COL23A1: variants seen among roughly 807,000 people sequenced by gnomAD.
COL23A1 encodes collagen alpha-1(XXIII) chain.
COL23A1 carries 97 observed loss-of-function variants against 99.3 expected under a neutral mutation model. The ratio of observed to expected loss-of-function variants is 0.98; its 90% CI spans 0.83 to 1.16. The LOEUF is 1.16. Ranked by LOEUF, COL23A1 falls within the 50% of genes most tolerant of loss-of-function variation. The pLI is 0.00. For missense variants in COL23A1, 762 were observed against 757.4 expected (o/e 1.01, Z -0.07); for synonymous variants, 320 against 308.2 (o/e 1.04, Z -0.40).
intron 2 of COL23A1, among the ~76,000 whole-genome samples, chr5:178,338,876 C>A (rs1760500457): frequency 6.6e-6 from 1 of 152,190 alleles, no homozygotes; most frequent in Non-Finnish European, 1.5e-5. Context: ...TACATGTAAA[C>A]CCGATGAGAC....
At chr5:178,368,532 C>G (rs888995133) in intron 2 of COL23A1, among the ~76,000 whole-genome samples, 3 of 152,206 alleles carry the variant, frequency 2.0e-5, no homozygotes, top group Non-Finnish European at 4.4e-5. Context: ...GACACGTAGC[C>G]ACCGCTATAG....
At chr5:178,423,886 C>T (rs967468913) in intron 2 of COL23A1, among the ~76,000 whole-genome samples, 4 of 152,158 alleles carry the variant, frequency 2.6e-5, no homozygotes, top group African/African-American at 7.2e-5. Context: ...GATGTCTGCG[C>T]GTCTGCAAAC....
intron 1 of COL23A1, among the ~76,000 whole-genome samples, chr5:178,568,705 G>C (rs2113634975): frequency 6.6e-6 from 1 of 152,310 alleles, no homozygotes; most frequent in East Asian, 1.9e-4. Flanking sequence ...CTTGCCCTTT[G>C]TCTGGTTCCT....
At chr5:178,508,868 C>T (rs1759032525) in intron 2 of COL23A1, among the ~76,000 whole-genome samples, 1 of 152,190 alleles carries the variant, frequency 6.6e-6, no homozygotes, top group African/African-American at 2.4e-5. Context: ...GCCTTCTTCT[C>T]CCCATCATAA....
chr5:178,397,053 G>A (rs1225762739), intron 2 of COL23A1, among the ~76,000 whole-genome samples: 5 of 152,230 alleles, frequency 3.3e-5, no homozygotes, highest in African/African-American at 7.2e-5. Flanking sequence ...AGGACTCGCA[G>A]AGGCTTTCTG....
chr5:178,322,775 G>C (rs923527761), intron 2 of COL23A1, among the ~76,000 whole-genome samples: 4 of 152,244 alleles, frequency 2.6e-5, no homozygotes, highest in African/African-American at 7.2e-5. Context: ...GCAGGCACTA[G>C]GGACCGGGAG....
chr5:178,323,480 C>A (rs114847500), intron 2 of COL23A1, among the ~76,000 whole-genome samples: 84 of 152,260 alleles, frequency 5.5e-4, no homozygotes, highest in African/African-American at 1.9e-3. Flanking sequence ...CAGTCCCTTT[C>A]ATTTCCTCCC....
chr5:178,478,124 C>T (rs759425488), intron 2 of COL23A1, among the ~76,000 whole-genome samples: 2 of 152,156 alleles, frequency 1.3e-5, no homozygotes, highest in Admixed American at 6.5e-5. Context: ...CCAGACAGTG[C>T]CTGCGGGCCC....
intron 2 of COL23A1, among the ~76,000 whole-genome samples, chr5:178,501,039 T>G (rs1006092045): frequency 6.6e-6 from 1 of 152,144 alleles, no homozygotes; most frequent in Non-Finnish European, 1.5e-5. Context: ...TCTAGGTAGA[T>G]GGAGTAGATA....
chr5:178,375,535 C>A (rs558675108), intron 2 of COL23A1, among the ~76,000 whole-genome samples: 1 of 152,370 alleles, frequency 6.6e-6, no homozygotes, highest in South Asian at 2.1e-4. Context: ...GCCCAAAAGG[C>A]CCTGCGTGGT....
At chr5:178,265,125 G>C (rs1017158771) in intron 8 of COL23A1, among the ~76,000 whole-genome samples, 3 of 152,208 alleles carry the variant, frequency 2.0e-5, no homozygotes, top group African/African-American at 7.2e-5. Flanking sequence ...TTCATCCACA[G>C]ATGTTCCCTG....
intron 2 of COL23A1, among the ~76,000 whole-genome samples, chr5:178,320,217 C>A (rs905074824): frequency 2.0e-5 from 3 of 152,236 alleles, no homozygotes; most frequent in Admixed American, 1.3e-4. Flanking sequence ...GCTGGAACAT[C>A]AGCTCCCTGA....
intron 1 of COL23A1, among the ~76,000 whole-genome samples, chr5:178,586,529 G>A (rs999087497): frequency 6.6e-6 from 1 of 151,130 alleles, no homozygotes; most frequent in Non-Finnish European, 1.5e-5. Context: ...GACAAAATAT[G>A]TCTGTGAAAG....
At chr5:178,268,709 A>G (rs375618529) in intron 7 of COL23A1, 21 bp downstream of exon 7, 1 of 1,601,384 alleles carries the variant, frequency 6.2e-7, no homozygotes, top group East Asian at 2.2e-5. Flanking sequence ...CCACATCTGC[A>G]CAGCCTCTGG....
At position 178,260,370 on chromosome 5, in the gene COL23A1, C is replaced by T. The variant is rs112762790; in HGVS notation, c.703-623G>A. On this transcript the variant is annotated intron_variant, in intron 11 of 28. Coordinates refer to ENST00000390654, the MANE Select transcript of COL23A1 (RefSeq NM_173465.4). Reference sequence around the variant, plus strand: ...TGCTAGAAAGGAATGAGCTGTCAAGCCATGAAAAGACATGGATGAAAGGTC... The same window carrying T: ...TGCTAGAAAGGAATGAGCTGTCAAGTCATGAAAAGACATGGATGAAAGGTC... Among the ~76,000 whole-genome samples the T allele has an allele frequency of 1.1e-4, 16 of 152,282 alleles. 1 individual carries two copies. Among genetic ancestry groups the T allele is most frequent in the African/African-American group, 3.6e-4 (15 of 41,550 alleles).
chr5:178,516,059 C>G (rs685631), intron 2 of COL23A1, among the ~76,000 whole-genome samples: 101,340 of 152,038 alleles, frequency 0.67, 34,735 homozygotes, highest in East Asian at 0.82. Flanking sequence ...CCTCACCTCC[C>G]TGGCAGATCC....
intron 2 of COL23A1, among the ~76,000 whole-genome samples, chr5:178,543,551 A>G (rs554002435): frequency 2.6e-4 from 40 of 152,284 alleles, no homozygotes; most frequent in African/African-American, 9.6e-4. Context: ...GTCCTAAACA[A>G]TGCCTGGAGT....
At chr5:178,523,199 T>G (rs542981546) in intron 2 of COL23A1, among the ~76,000 whole-genome samples, 12,374 of 75,400 alleles carry the variant, frequency 0.16, 940 homozygotes, top group African/African-American at 0.26. Context: ...TATATATATA[T>G]ATAGAGAGAG....
At chr5:178,484,022 C>T (rs576738) in intron 2 of COL23A1, among the ~76,000 whole-genome samples, 58,778 of 151,950 alleles carry the variant, frequency 0.39, 12,330 homozygotes, top group Admixed American at 0.51. Context: ...TCTGCAACCT[C>T]CCAGGTTCAA....
Sources: allele counts gnomAD v4.1 joint callset (sites outside exome capture counted in the v4.1 genomes callset), GRCh38; gene constraint gnomAD v4.1.1; transcripts MANE v1.5; gene names NCBI Gene and HGNC (gene_info 2026-07-23, HGNC 2026-07-21).